CBL: variants seen among roughly 807,000 people sequenced by gnomAD.
CBL encodes E3 ubiquitin-protein ligase CBL.
Under a neutral mutation model 96.9 loss-of-function variants are expected in CBL, and 45 were observed. The ratio of observed to expected loss-of-function variants is 0.46; its 90% CI spans 0.37 to 0.60. The LOEUF is 0.60. Ranked by LOEUF, CBL falls within the 20% of genes least tolerant of loss-of-function variation. The probability of loss-of-function intolerance (pLI) is 0.00; values close to 1 mark genes in which losing one functional copy is unlikely to be tolerated. For synonymous variants in CBL, 420 were observed against 426.8 expected (o/e 0.98, Z 0.20); for missense variants, 1,024 against 1,143.5 (o/e 0.90, Z 1.51).
At chr11:119,272,301 T>C (rs1949855411) in intron 3 of CBL, among the ~76,000 whole-genome samples, 1 of 152,200 alleles carries the variant, frequency 6.6e-6, no homozygotes, top group Non-Finnish European at 1.5e-5. Flanking sequence ...TTTTGCATTT[T>C]TAATAGAGAC....
At chr11:119,222,836 A>G (rs1003603071) in intron 1 of CBL, among the ~76,000 whole-genome samples, 3 of 152,264 alleles carry the variant, frequency 2.0e-5, no homozygotes, top group Non-Finnish European at 2.9e-5. Flanking sequence ...GTTATACATA[A>G]TAAGGACTTT....
In CBL at chr11:119,285,474, C is replaced by A; in HGVS notation, c.1849C>A (p.Arg617=). 11 of 1,614,122 alleles carry A rather than the reference C, an allele frequency of 6.8e-6. No individual in the cohort carries two copies. Among genetic ancestry groups the A allele is most frequent in the Non-Finnish European group, 9.3e-6 (11 of 1,179,992 alleles). ...CTGGACAGGAAGAGAATTAACCAAC[C>A]GGCACTCACTTCCATTTTCATTGCC... ...DPWTGRELTN[R]HSLPFSLPSQ... The change falls in exon 11 of 16, where the codon CGG becomes AGG. Residue 617 remains arginine, a synonymous_variant. Transcript: ENST00000264033.
intron 2 of CBL, among the ~76,000 whole-genome samples, chr11:119,252,999 T>C (rs962091309): frequency 6.6e-6 from 1 of 152,168 alleles, no homozygotes. Flanking sequence ...AGTTTCTTAG[T>C]CATTTTACCA....
chr11:119,231,773 C>T (rs1592377176), intron 1 of CBL, among the ~76,000 whole-genome samples: 1 of 152,038 alleles, frequency 6.6e-6, no homozygotes, highest in African/African-American at 2.4e-5. Context: ...CCAGGGCAGT[C>T]ATGTCCTTTA....
chr11:119,264,473 TTC>T (rs1190931753), intron 2 of CBL, among the ~76,000 whole-genome samples: 3 of 150,928 alleles, frequency 2.0e-5, no homozygotes, highest in Admixed American at 6.6e-5. Flanking sequence ...TTTTCTTCTT[TTC>T]TCTTTTCTTT....
chr11:119,255,695 T>C (rs2135283715), intron 2 of CBL, among the ~76,000 whole-genome samples: 1 of 152,280 alleles, frequency 6.6e-6, no homozygotes, highest in South Asian at 2.1e-4. Flanking sequence ...CTTCCTGTAT[T>C]TGTGAACAGT....
At chr11:119,284,583 C>T (rs946621629) in intron 9 of CBL, among the ~76,000 whole-genome samples, 1 of 152,104 alleles carries the variant, frequency 6.6e-6, no homozygotes, top group Non-Finnish European at 1.5e-5. Context: ...CTGCCCCTTA[C>T]TTTTTATATG....
At chr11:119,206,713 C>T in intron 1 of CBL, 101 bp downstream of exon 1, 1 of 1,047,438 alleles carries the variant, frequency 9.5e-7, no homozygotes, top group Non-Finnish European at 1.3e-6. Context: ...GGGGACGGGT[C>T]TGGTGAAGCC....
intron 2 of CBL, among the ~76,000 whole-genome samples, chr11:119,249,903 C>T (rs1949658752): frequency 6.6e-6 from 1 of 152,134 alleles, no homozygotes; most frequent in South Asian, 2.1e-4. Flanking sequence ...ATCCTCCTAC[C>T]TTACTCAGCT....
chr11:119,292,445 G>A (rs1488516217), intron 12 of CBL, among the ~76,000 whole-genome samples: 2 of 150,106 alleles, frequency 1.3e-5, no homozygotes, highest in Admixed American at 6.7e-5. Context: ...TTTTGAGGTG[G>A]AGTCTTGCTC....
In CBL at chr11:119,305,757, T is replaced by G. The variant is rs1392495741; in HGVS notation, c.*5976T>G. On this transcript the variant is annotated 3_prime_UTR_variant, in exon 16 of 16. Transcript: ENST00000264033. ...GTCCTATATAAAAGCTTTCCTTTTC[T>G]GTTTTTTTTTAAAACTATGCTTTTG... 8.8e-6 allele frequency: 2 copies of G among 227,438 alleles called. No homozygotes were observed. Among genetic ancestry groups the G allele is most frequent in the Non-Finnish European group, 1.7e-5 (2 of 114,532 alleles). The allele number at this position is 227,438 out of a possible 1,614,324, so 14.1% of individuals were successfully genotyped here.
intron 1 of CBL, among the ~76,000 whole-genome samples, chr11:119,210,568 A>G (rs781387332): frequency 2.0e-5 from 3 of 146,724 alleles, no homozygotes; most frequent in Non-Finnish European, 3.0e-5. Flanking sequence ...AGCTGGGATT[A>G]TAGGCATGCG....
chr11:119,290,776 A>C (rs1199166024), intron 12 of CBL, among the ~76,000 whole-genome samples: 1 of 151,374 alleles, frequency 6.6e-6, no homozygotes, highest in Non-Finnish European at 1.5e-5. Flanking sequence ...CCTGGGTTCA[A>C]GCGAATCTCC....
chr11:119,235,045 C>T (rs549836660), intron 2 of CBL, among the ~76,000 whole-genome samples: 1 of 152,108 alleles, frequency 6.6e-6, no homozygotes, highest in Admixed American at 6.6e-5. Flanking sequence ...TTTTTGACCT[C>T]TAGACTTTCT....
At chr11:119,232,857 G>A (rs949778724) in intron 2 of CBL, among the ~76,000 whole-genome samples, 162 bp downstream of exon 2, 6 of 152,172 alleles carry the variant, frequency 3.9e-5, no homozygotes, top group African/African-American at 9.7e-5. Flanking sequence ...CATGGATGAC[G>A]TTGTACTATC....
intron 1 of CBL, among the ~76,000 whole-genome samples, chr11:119,224,939 C>T (rs1215122981): frequency 6.6e-6 from 1 of 151,860 alleles, no homozygotes; most frequent in African/African-American, 2.4e-5. Context: ...TGAAAAAGAA[C>T]TTCGTATAAG....
At chr11:119,228,812 C>T (rs1204433478) in intron 1 of CBL, among the ~76,000 whole-genome samples, 1 of 125,324 alleles carries the variant, frequency 8.0e-6, no homozygotes, top group Admixed American at 7.4e-5. Context: ...CTCTCTCTCT[C>T]TCTTTTTTTT....
intron 2 of CBL, among the ~76,000 whole-genome samples, chr11:119,262,048 T>C (rs1278527827): frequency 1.3e-5 from 2 of 152,212 alleles, no homozygotes; most frequent in African/African-American, 2.4e-5. Flanking sequence ...AATCATGGCA[T>C]GCAAACACTA....
At chr11:119,227,003 T>A (rs1361511971) in intron 1 of CBL, among the ~76,000 whole-genome samples, 1 of 152,202 alleles carries the variant, frequency 6.6e-6, no homozygotes, top group Non-Finnish European at 1.5e-5. Context: ...CTTACCACTT[T>A]AAGACCATTG....
Sources: allele counts gnomAD v4.1 joint callset (sites outside exome capture counted in the v4.1 genomes callset), GRCh38; gene constraint gnomAD v4.1.1; transcripts MANE v1.5; gene names NCBI Gene and HGNC (gene_info 2026-07-23, HGNC 2026-07-21).